LCOR: variants seen among roughly 807,000 people sequenced by gnomAD.
LCOR encodes ligand-dependent corepressor.
Under a neutral mutation model 64.4 loss-of-function variants are expected in LCOR, and 14 were observed. The ratio of observed to expected loss-of-function variants is 0.22; its 90% CI spans 0.14 to 0.34. The LOEUF (loss-of-function observed/expected upper bound fraction) is 0.34. Among genes scored for constraint, LCOR ranks in the 10% least tolerant of loss-of-function variants. The pLI is 1.00. For synonymous variants in LCOR, 643 were observed against 642.5 expected (o/e 1.00, Z -0.01); for missense variants, 1,686 against 1,765.3 (o/e 0.96, Z 0.80).
intron 4 of LCOR, among the ~76,000 whole-genome samples, chr10:96,932,905 G>A (rs533362525): frequency 7.2e-5 from 11 of 152,270 alleles, no homozygotes; most frequent in African/African-American, 2.2e-4. Context: ...GGAAGAAATT[G>A]TTTATTTTGG....
At chr10:96,849,611 A>G (rs1222290713) in intron 2 of LCOR, among the ~76,000 whole-genome samples, 2 of 152,168 alleles carry the variant, frequency 1.3e-5, no homozygotes, top group African/African-American at 4.8e-5. Context: ...ATTACACTCG[A>G]CCTTATGTGA....
rs2134405768 is a variant in LCOR at position 96,871,172 on chromosome 10, T to C, written c.-329-36093T>C. Among the ~76,000 whole-genome samples, 2 of 152,102 alleles carry C rather than the reference T, an allele frequency of 1.3e-5. 1 individual carries two copies. The highest frequency in any genetic ancestry group is 3.9e-4 in the East Asian group (2 of 5,174). ...CTCAGGCTCAAGAGATCCTCCTGCCTTAGCCTCTCAAGTAGCTAGGCTTAC... is the reference window on the plus strand; with the variant it reads ...CTCAGGCTCAAGAGATCCTCCTGCCCTAGCCTCTCAAGTAGCTAGGCTTAC... On this transcript the variant is annotated intron_variant, in intron 2 of 7. Coordinates refer to ENST00000421806, the MANE Select transcript of LCOR (RefSeq NM_001346516.2).
intron 2 of LCOR, among the ~76,000 whole-genome samples, chr10:96,869,253 C>G (rs1429698666): frequency 6.6e-6 from 1 of 151,996 alleles, no homozygotes; most frequent in Non-Finnish European, 1.5e-5. Context: ...TGCTCTGTCA[C>G]TCAGGGTGGA....
chr10:96,951,484 A>G (rs1179826841), intron 6 of LCOR, among the ~76,000 whole-genome samples: 1 of 152,164 alleles, frequency 6.6e-6, no homozygotes, highest in African/African-American at 2.4e-5. Flanking sequence ...GAATATAAGT[A>G]TACATTTTTT....
At chr10:96,888,392 G>C (rs202003937) in intron 2 of LCOR, among the ~76,000 whole-genome samples, 2 of 44,838 alleles carry the variant, frequency 4.5e-5, no homozygotes, top group African/African-American at 1.4e-4. Context: ...AAAAAAAAAA[G>C]AACAGTATAT....
chr10:96,909,776 T>C (rs535662172), intron 4 of LCOR, among the ~76,000 whole-genome samples: 1 of 152,348 alleles, frequency 6.6e-6, no homozygotes, highest in African/African-American at 2.4e-5. Context: ...AGAACGTGTT[T>C]TAAAATTTAA....
intron 4 of LCOR, among the ~76,000 whole-genome samples, chr10:96,942,348 C>T (rs1330692748): frequency 2.0e-5 from 3 of 151,760 alleles, no homozygotes; most frequent in Non-Finnish European, 4.4e-5. Flanking sequence ...CAGGCTGAGG[C>T]AGGAGAATCA....
At chr10:96,867,712 C>T (rs182458481) in intron 2 of LCOR, among the ~76,000 whole-genome samples, 1 of 152,042 alleles carries the variant, frequency 6.6e-6, no homozygotes, top group Non-Finnish European at 1.5e-5. Flanking sequence ...GCCTGGATAA[C>T]ATAGCAAAAC....
chr10:96,860,401 C>T (rs1269585617), intron 2 of LCOR, among the ~76,000 whole-genome samples: 1 of 152,200 alleles, frequency 6.6e-6, no homozygotes, highest in Non-Finnish European at 1.5e-5. Flanking sequence ...GTTACACTGC[C>T]ACAAGCCAAG....
At chr10:96,977,327 G>A (rs1045950805) in intron 7 of LCOR, among the ~76,000 whole-genome samples, 2 of 152,198 alleles carry the variant, frequency 1.3e-5, no homozygotes, top group African/African-American at 4.8e-5. Flanking sequence ...AAGCCAGTAA[G>A]AAAGAAGATT....
At chr10:96,958,906 T>TAAAAAAAAAAAAACAA (rs1847826849) in intron 7 of LCOR, 1 of 103,888 alleles carries the variant, frequency 9.6e-6, no homozygotes, top group Non-Finnish European at 2.2e-5. Context: ...AAGAAAAACT[T>TAAAAAAAAAAAAACAA]AAAAAAAAAA....
intron 2 of LCOR, among the ~76,000 whole-genome samples, chr10:96,870,873 T>C (rs1340880062): frequency 6.6e-6 from 1 of 152,202 alleles, no homozygotes; most frequent in African/African-American, 2.4e-5. Context: ...TAGTTTTGCT[T>C]GTCCTCATTC....
At chr10:96,854,928 T>C (rs1444188012) in intron 2 of LCOR, among the ~76,000 whole-genome samples, 2 of 152,218 alleles carry the variant, frequency 1.3e-5, no homozygotes, top group African/African-American at 4.8e-5. Context: ...ATCATACCTT[T>C]CCTACTGAAT....
chr10:96,995,046 C>G lies in LCOR; in HGVS notation c.*9912C>G, dbSNP rs1472250704. 9 of 152,274 alleles carry G rather than the reference C, an allele frequency of 5.9e-5. No individual in the cohort carries two copies. Among genetic ancestry groups the G allele is most frequent in the Non-Finnish European group, 1.3e-4 (9 of 68,066 alleles). The allele number at this position is 152,274 out of a possible 1,614,324, so 9.4% of individuals were successfully genotyped here. A position where few individuals can be genotyped will look rare whatever the true frequency, so the allele number is the denominator to read the frequency against. On this transcript the variant is annotated 3_prime_UTR_variant, in exon 8 of 8. Coordinates refer to ENST00000421806, the MANE Select transcript of LCOR (RefSeq NM_001346516.2). The surrounding 1 kb of genome is among the most constrained non-coding windows in gnomAD (Gnocchi z 4.2). ...GCCATAGGAGGCCCATGCAATTTAA[C>G]TGAAGCTCAGGTGCCACGTTGGATT...
rs775057351 is a variant in LCOR at position 96,981,719 on chromosome 10, A to G, written c.1259A>G (p.Lys420Arg). The G allele has an allele frequency of 1.2e-6, 2 of 1,614,110 alleles. No individual in the cohort carries two copies. The highest frequency in any genetic ancestry group is 1.1e-5 in the South Asian group (1 of 91,088). ...GATAAGGGCCAGTTTGATCATTCCA[A>G]AGATGGTTGGTTAGGCCCCGGCCCT... is the stretch of plus-strand genomic sequence containing the variant. The part of the protein sequence containing the change: ...PSDKGQFDHS[K>R]DGWLGPGPMP... The change falls in exon 8 of 8, where the codon AAA (lysine) becomes AGA (arginine). Residue 420 changes from lysine to arginine, a missense_variant. This residue lies in a region of LCOR where 1,293 missense variants were observed against 1,410.4 expected (regional missense o/e 0.92). Transcript: ENST00000421806.
At chr10:96,919,920 C>T (rs555256671) in intron 4 of LCOR, among the ~76,000 whole-genome samples, 7 of 152,258 alleles carry the variant, frequency 4.6e-5, no homozygotes, top group Non-Finnish European at 8.8e-5. Context: ...TTGCTTTCAC[C>T]TCTTAGCTGT....
At chr10:96,834,767 A>C (rs1462285633) in intron 2 of LCOR, among the ~76,000 whole-genome samples, 1 of 152,074 alleles carries the variant, frequency 6.6e-6, no homozygotes, top group Non-Finnish European at 1.5e-5. Context: ...GATGGTTTTA[A>C]TTAGTGTATC....
At chr10:96,893,225 A>G (rs1036162549) in intron 2 of LCOR, among the ~76,000 whole-genome samples, 9 of 152,160 alleles carry the variant, frequency 5.9e-5, no homozygotes, top group Non-Finnish European at 1.5e-5. Flanking sequence ...ATAAATCTTT[A>G]TGCATTGTTT....
intron 2 of LCOR, among the ~76,000 whole-genome samples, chr10:96,864,639 C>T (rs192158012): frequency 6.6e-6 from 1 of 152,284 alleles, no homozygotes; most frequent in Non-Finnish European, 1.5e-5. Context: ...CACCTCATAA[C>T]AATGTTTCAG....
Sources: allele counts gnomAD v4.1 joint callset (sites outside exome capture counted in the v4.1 genomes callset), GRCh38; gene constraint gnomAD v4.1.1; regional missense constraint gnomAD v4.1.1; non-coding constraint Gnocchi (gnomAD v3.1); transcripts MANE v1.5; gene names NCBI Gene and HGNC (gene_info 2026-07-23, HGNC 2026-07-21).